THOC5: variants seen among roughly 807,000 people sequenced by gnomAD.
The protein encoded by THOC5 is Fms-interacting protein.
A neutral mutation model predicts 92.9 loss-of-function variants in THOC5; 43 were observed. The ratio of observed to expected loss-of-function variants is 0.46; its 90% CI spans 0.36 to 0.60. The LOEUF is 0.60. THOC5 is among the 20% of genes least tolerant of loss of function. The pLI, the probability that THOC5 is intolerant of heterozygous loss-of-function variation, is 0.00. For missense variants in THOC5, 659 were observed against 849.4 expected, an observed-to-expected ratio of 0.78 and a Z score of 2.79; for synonymous variants, 296 against 320.1, an observed-to-expected ratio of 0.92 and a Z score of 0.80.
At chr22:29,528,954 A>T in intron 9 of THOC5, 2 of 584,484 alleles carry the variant, frequency 3.4e-6, no homozygotes, top group Non-Finnish European at 6.1e-6. Context: ...GGGGTCAGTC[A>T]GCTAGTGAGT....
chr22:29,517,065 T>A lies in THOC5; in HGVS notation c.1645A>T (p.Asn549Tyr), dbSNP rs1450323971. 1 of 1,614,160 alleles carries A rather than the reference T, an allele frequency of 6.2e-7. No homozygotes were observed. Reference sequence around the variant, plus strand: ...TCGATGAGCGCCATGTAGTAGAGATTGGTGTCCCCAGCCAGTCCCGCATCC... The same window carrying A: ...TCGATGAGCGCCATGTAGTAGAGATAGGTGTCCCCAGCCAGTCCCGCATCC... ...IVDAGLAGDT[N>Y]LYYMALIERG... The change falls in exon 17 of 20, where the codon AAT (asparagine) becomes TAT (tyrosine). Residue 549 changes from asparagine (N) to tyrosine (Y), a missense_variant. Physicochemically the swap from Asn to Tyr is moderately radical, Grantham distance 143 (BLOSUM62 -2). Coordinates refer to ENST00000490103, the MANE Select transcript of THOC5 (RefSeq NM_003678.5).
At chr22:29,523,871 C>T (rs1171723357) in intron 12 of THOC5, among the ~76,000 whole-genome samples, 1 of 152,010 alleles carries the variant, frequency 6.6e-6, no homozygotes, top group Non-Finnish European at 1.5e-5. Context: ...GAGAATATAC[C>T]CTTTATGTTT....
chr22:29,522,116 C>T (rs990132359), intron 12 of THOC5, among the ~76,000 whole-genome samples: 8 of 151,350 alleles, frequency 5.3e-5, no homozygotes, highest in Non-Finnish European at 8.8e-5. Context: ...TTTGAGAGGC[C>T]GAGACGGGCG....
chr22:29,508,453 G>A lies in THOC5; in HGVS notation c.*4C>T. On this transcript the variant is annotated 3_prime_UTR_variant, in exon 20 of 20. Transcript: ENST00000490103. ...TTGGGGGAAACAACGGTCTGCGCGG[G>A]AGATCAGCGATGGCTGAAGAATCCC... 6.2e-7 allele frequency: 1 copy of A among 1,614,152 alleles called. No homozygotes were observed. Among genetic ancestry groups the A allele is most frequent in the Non-Finnish European group, 8.5e-7 (1 of 1,179,988 alleles).
At position 29,553,678 on chromosome 22, in the gene THOC5, C is replaced by G. The variant is rs551951837; in HGVS notation, c.-19G>C. The G allele has an allele frequency of 6.6e-6, 1 of 152,506 alleles. No individual in the cohort carries two copies. Among genetic ancestry groups the G allele is most frequent in the African/African-American group, 2.4e-5 (1 of 41,450 alleles). 9.4% of individuals were successfully genotyped at this position (152,506 alleles called of 1,614,324 possible). ...CCCTTGTCCCCTCCTCACCTCACAG[C>G]TCCAAGAACCTGGCACCGGGAGTAA... On this transcript the variant is annotated 5_prime_UTR_variant, in exon 1 of 20. Transcript: ENST00000490103.
intron 17 of THOC5, among the ~76,000 whole-genome samples, chr22:29,513,194 CA>C (rs1179499945): frequency 2.0e-5 from 3 of 151,410 alleles, no homozygotes; most frequent in Non-Finnish European, 2.9e-5. Context: ...ACTAAAAATA[CA>C]AAAAATTAGC....
rs760248743 is a variant in THOC5 at position 29,549,152 on chromosome 22, G to A, written c.-5C>T. 1 of 1,614,012 alleles carries A rather than the reference G, an allele frequency of 6.2e-7. No individual in the cohort carries two copies. The highest frequency in any genetic ancestry group is 1.3e-5 in the African/African-American group (1 of 75,026). On this transcript the variant is annotated 5_prime_UTR_variant, in exon 2 of 20. Coordinates refer to ENST00000490103, the MANE Select transcript of THOC5 (RefSeq NM_003678.5). ...TTTGCTCGATTCTGATGACATGGTT[G>A]TTCCTCCTGTTAAGAGGAGAAAGTT... is the stretch of plus-strand genomic sequence containing the variant.
At chr22:29,513,624 G>A (rs886289105) in intron 17 of THOC5, among the ~76,000 whole-genome samples, 3 of 152,056 alleles carry the variant, frequency 2.0e-5, no homozygotes, top group African/African-American at 7.2e-5. Flanking sequence ...GTAAGGTGGA[G>A]GTTGCAGTGA....
chr22:29,528,266 C>T, intron 10 of THOC5, 89 bp from the exon 11 acceptor site: 8 of 1,614,014 alleles, frequency 5.0e-6, no homozygotes, highest in Non-Finnish European at 6.8e-6. Context: ...AGCCCTACTG[C>T]CTGGCACCTG....
chr22:29,535,922 C>G (rs928981805), intron 7 of THOC5: 3 of 152,224 alleles, frequency 2.0e-5, no homozygotes, highest in East Asian at 1.9e-4. Flanking sequence ...TGATCCTCCC[C>G]CCTCAGCCAC....
chr22:29,511,993 C>T, intron 18 of THOC5, 28 bp downstream of exon 18: 1 of 1,602,660 alleles, frequency 6.2e-7, no homozygotes, highest in Non-Finnish European at 8.5e-7. Flanking sequence ...TCTGCCTGCT[C>T]CTCCTGTCAT....
In THOC5 at chr22:29,525,953, G is replaced by C. The variant is rs752051748; in HGVS notation, c.1067-7C>G. On this transcript the variant is annotated splice_polypyrimidine_tract_variant and splice_region_variant and intron_variant, in intron 11 of 19. Coordinates refer to ENST00000490103, the MANE Select transcript of THOC5 (RefSeq NM_003678.5). ...AGGTGAAGCACACTGTCATCTGGAG[G>C]GGAGGAAGATGAGAGAATTTATGAG... 4.4e-6 allele frequency: 7 copies of C among 1,602,360 alleles called. No individual in the cohort carries two copies. Among genetic ancestry groups the C allele is most frequent in the Non-Finnish European group, 6.0e-6 (7 of 1,170,200 alleles).
Position 29,543,439 on chromosome 22 carries a change from T to G in THOC5, c.344A>C (p.Gln115Pro). The change falls in exon 4 of 20, where the codon CAG becomes CCG. Residue 115 changes from glutamine (Q) to proline (P), a missense_variant. Transcript: ENST00000490103. Reference protein sequence around the residue: ...AHIRLKKGRDQTHEAKQKVDA... With the variant: ...AHIRLKKGRDPTHEAKQKVDA... The stretch of plus-strand genomic sequence containing the variant: ...CCTTTTAACTACTACCTCGTGGGTC[T>G]GATCTCTTCCTTTCTTCAACCTGAT... 6.2e-7 allele frequency: 1 copy of G among 1,613,210 alleles called. No homozygotes were observed. Among genetic ancestry groups the G allele is most frequent in the South Asian group, 1.1e-5 (1 of 91,066 alleles).
chr22:29,541,148 A>G (rs1223791239), intron 5 of THOC5, among the ~76,000 whole-genome samples: 2 of 151,772 alleles, frequency 1.3e-5, no homozygotes. Flanking sequence ...TCACGCCACC[A>G]CACTCCAGCC....
intron 6 of THOC5, among the ~76,000 whole-genome samples, chr22:29,538,800 G>GA (rs1491105374): frequency 0.16 from 5,248 of 32,958 alleles, 1,965 homozygotes; most frequent in South Asian, 0.35. Context: ...CCATCTCTTT[G>GA]GAAAAAAAAA....
At chr22:29,531,759 C>CTTT in intron 8 of THOC5, 72 bp downstream of exon 8, 1 of 1,566,732 alleles carries the variant, frequency 6.4e-7, no homozygotes, top group Non-Finnish European at 8.7e-7. Flanking sequence ...GCAGGTACTG[C>CTTT]TTCCAACTGA....
intron 3 of THOC5, 63 bp downstream of exon 3, chr22:29,544,397 T>A: frequency 6.4e-7 from 1 of 1,554,628 alleles, no homozygotes; most frequent in Non-Finnish European, 8.7e-7. Context: ...CCCTGGTAGG[T>A]GCAAAAACAG....
intron 17 of THOC5, among the ~76,000 whole-genome samples, chr22:29,513,255 G>A (rs1470967700): frequency 6.6e-6 from 1 of 151,956 alleles, no homozygotes; most frequent in Non-Finnish European, 1.5e-5. Context: ...TACTCAGGAG[G>A]TTGAGGCAGG....
chr22:29,517,822 A>G (rs2063362773), intron 15 of THOC5, among the ~76,000 whole-genome samples: 1 of 152,204 alleles, frequency 6.6e-6, no homozygotes, highest in South Asian at 2.1e-4. Context: ...AAATAAGCAA[A>G]TATGCCAACA....
Sources: gnomAD v4.1 joint callset for allele counts (sites outside exome capture counted in the v4.1 genomes callset) on GRCh38, gnomAD v4.1.1 for gene constraint, MANE v1.5 for transcripts, NCBI Gene and HGNC (gene_info 2026-07-23, HGNC 2026-07-21) for gene names.